BCKDHB: variants seen among roughly 807,000 people sequenced by gnomAD.
BCKDHB encodes the protein branched chain keto acid dehydrogenase E1 subunit beta.
BCKDHB carries 41 observed loss-of-function variants against 48.5 expected under a neutral mutation model. That is an observed-to-expected ratio of 0.85 (90% CI 0.66 to 1.10). BCKDHB has a LOEUF of 1.10. BCKDHB is among the 50% of genes least tolerant of loss of function. BCKDHB has a pLI of 0.00. For synonymous variants in BCKDHB, 201 were observed against 174.8 expected (o/e 1.15, Z -1.18); for missense variants, 496 against 494.2 (o/e 1.00, Z -0.03).
chr6:80,374,404 G>A, the BCKDHB span: 1,446 of 788,808 alleles, frequency 1.8e-3, 19 homozygotes, highest in African/African-American at 0.021. Flanking sequence ...GGTACGCACC[G>A]TTTCTGTAAA....
chr6:80,220,600 G>T (rs1323026399), intron 8 of BCKDHB, among the ~76,000 whole-genome samples: 2 of 151,638 alleles, frequency 1.3e-5, no homozygotes, highest in African/African-American at 4.8e-5. Flanking sequence ...TCATCCTTAG[G>T]CAGAAGGGGT....
At chr6:80,452,404 A>G in the BCKDHB span, among the ~76,000 whole-genome samples, 1 of 152,214 alleles carries the variant, frequency 6.6e-6, no homozygotes, top group Non-Finnish European at 1.5e-5. Flanking sequence ...AGAAATGGAG[A>G]CATGAGTATA....
At chr6:80,423,710 A>T in the BCKDHB span, among the ~76,000 whole-genome samples, 1 of 152,174 alleles carries the variant, frequency 6.6e-6, no homozygotes, top group Non-Finnish European at 1.5e-5. Context: ...CCTTTCACCT[A>T]CTAATTAGTT....
chr6:80,132,699 T>C (rs1334177248), intron 3 of BCKDHB, among the ~76,000 whole-genome samples: 1 of 152,174 alleles, frequency 6.6e-6, no homozygotes, highest in African/African-American at 2.4e-5. Context: ...TACAATAGTT[T>C]TAGGGCAGTG....
chr6:80,319,891 G>T (rs1306009651), intron 9 of BCKDHB, among the ~76,000 whole-genome samples: 1 of 152,068 alleles, frequency 6.6e-6, no homozygotes, highest in Admixed American at 6.6e-5. Context: ...TTTAGGGATT[G>T]GTTTGTCAGC....
the BCKDHB span, among the ~76,000 whole-genome samples, chr6:80,442,634 G>C: frequency 9.2e-5 from 14 of 152,098 alleles, no homozygotes; most frequent in Non-Finnish European, 1.9e-4. Context: ...TGAGAGGATA[G>C]AGAAGAGAGA....
downstream of BCKDHB, among the ~76,000 whole-genome samples, chr6:80,348,340 G>T (rs901326621): frequency 6.6e-6 from 1 of 152,154 alleles, no homozygotes. Context: ...TTGGTTTCAT[G>T]TAATCCCTTT....
At chr6:80,224,049 A>G (rs1283390892) in intron 8 of BCKDHB, among the ~76,000 whole-genome samples, 4 of 152,212 alleles carry the variant, frequency 2.6e-5, no homozygotes, top group African/African-American at 4.8e-5. Flanking sequence ...CTCAGTTTCC[A>G]TGTGATTGAA....
intron 1 of BCKDHB, among the ~76,000 whole-genome samples, chr6:80,117,675 C>T (rs764477912): frequency 3.3e-5 from 5 of 152,330 alleles, no homozygotes; most frequent in South Asian, 2.1e-4. Context: ...ATAGCATGAG[C>T]GATCTGTGCC....
rs1331526007 is a variant in BCKDHB at position 80,230,031 on chromosome 6, T to G, written c.951+26819T>G. On this transcript the variant is annotated intron_variant, in intron 8 of 9. Transcript: ENST00000320393. ...TCCAAAGGGGTTTTTAGGTTGTTTT[T>G]TTTTTTTTTTTTTTTTTTTTTTTTT... Among the ~76,000 whole-genome samples the G allele has an allele frequency of 1.2e-3, 135 of 112,684 alleles. 1 individual carries two copies. Among genetic ancestry groups the G allele is most frequent in the African/African-American group, 4.8e-3 (131 of 27,398 alleles). 73.9% of individuals were successfully genotyped at this position (112,684 alleles called of 152,430 possible). A position where few individuals can be genotyped will look rare whatever the true frequency, so the allele number is the denominator to read the frequency against.
rs921992240 is a variant in BCKDHB, at chr6:80,210,745, C to G, written c.951+7533C>G. ...TGCAGCTCTGTCCACACCCTTCGTT[C>G]AGTTTCTCCCTGCAACTCAGCTCAG... On this transcript the variant is annotated intron_variant, in intron 8 of 9. Coordinates refer to ENST00000320393, the MANE Select transcript of BCKDHB (RefSeq NM_183050.4). 3.3e-5 allele frequency among the ~76,000 whole-genome samples: 5 copies of G among 152,106 alleles called. No homozygotes were observed. The East Asian group carries it at 9.6e-4, about 29-fold the overall frequency.
rs201480875 is a variant in BCKDHB, at chr6:80,151,428, T to G, written c.344-16250T>G. Among the ~76,000 whole-genome samples the G allele has an allele frequency of 8.8e-4, 131 of 149,498 alleles. 1 individual carries two copies. Among genetic ancestry groups the G allele is most frequent in the African/African-American group, 2.9e-3 (118 of 40,038 alleles). Reference sequence around the variant, plus strand: ...TAATTTTTAAAACTAACTTTTTTTTTTTTTGTTTTTTTGTTTTTGGCCAAA... The same window carrying G: ...TAATTTTTAAAACTAACTTTTTTTTGTTTTGTTTTTTTGTTTTTGGCCAAA... On this transcript the variant is annotated intron_variant, in intron 3 of 9. Transcript: ENST00000320393.
chr6:80,155,934 T>C (rs2127759846), intron 3 of BCKDHB, among the ~76,000 whole-genome samples: 1 of 151,052 alleles, frequency 6.6e-6, no homozygotes, highest in East Asian at 2.0e-4. Flanking sequence ...ATTTCTAAAA[T>C]AGTGCTTTTA....
intron 8 of BCKDHB, among the ~76,000 whole-genome samples, chr6:80,206,299 C>T (rs1279572365): frequency 8.7e-5 from 2 of 22,962 alleles, no homozygotes; most frequent in Non-Finnish European, 1.5e-4. Flanking sequence ...GCAGCAGAGC[C>T]AAGGAGTCAA....
chr6:80,231,352 TA>T (rs1340125940), intron 8 of BCKDHB, among the ~76,000 whole-genome samples: 2 of 151,972 alleles, frequency 1.3e-5, no homozygotes, highest in African/African-American at 4.8e-5. Context: ...TTTGGCTACA[TA>T]AAAAAGGAAT....
chr6:80,401,259 T>A, the BCKDHB span, among the ~76,000 whole-genome samples: 12 of 151,932 alleles, frequency 7.9e-5, no homozygotes, highest in Non-Finnish European at 1.6e-4. Context: ...TATTGGGGTA[T>A]GATTAACATA....
At chr6:80,158,181 T>C (rs1375701133) in intron 3 of BCKDHB, among the ~76,000 whole-genome samples, 1 of 152,230 alleles carries the variant, frequency 6.6e-6, no homozygotes, top group East Asian at 1.9e-4. Context: ...GTTGACATTG[T>C]TGTATCTATA....
the BCKDHB span, among the ~76,000 whole-genome samples, chr6:80,419,303 G>T: frequency 6.6e-6 from 1 of 152,142 alleles, no homozygotes; most frequent in African/African-American, 2.4e-5. Context: ...GTTCTCTGCT[G>T]GTCAAGCATA....
chr6:80,153,695 C>T (rs1388239647), intron 3 of BCKDHB, among the ~76,000 whole-genome samples: 1 of 152,078 alleles, frequency 6.6e-6, no homozygotes, highest in Non-Finnish European at 1.5e-5. Flanking sequence ...TTATAAAATG[C>T]TTTATGGTTT....
Sources: allele counts gnomAD v4.1 joint callset (sites outside exome capture counted in the v4.1 genomes callset), GRCh38; gene constraint gnomAD v4.1.1; transcripts MANE v1.5; gene names NCBI Gene and HGNC (gene_info 2026-07-23, HGNC 2026-07-21).